The following AHCYL2 variants were observed in gnomAD, a reference collection of about 807,000 sequenced individuals.
AHCYL2 encodes the protein S-adenosylhomocysteine hydrolase-like protein 2.
A neutral mutation model predicts 81.4 loss-of-function variants in AHCYL2; 28 were observed. That is an observed-to-expected ratio of 0.34 (90% confidence interval 0.25 to 0.47). The LOEUF is 0.47. Among genes scored for constraint, AHCYL2 ranks in the 20% least tolerant of loss-of-function variants. The pLI is 1.00. For missense variants in AHCYL2, 551 were observed against 785.1 expected (o/e 0.70, Z 3.56); for synonymous variants, 272 against 290.2 (o/e 0.94, Z 0.64).
chr7:129,333,145 A>G (rs1451440528), intron 1 of AHCYL2, among the ~76,000 whole-genome samples: 4 of 151,892 alleles, frequency 2.6e-5, no homozygotes, highest in African/African-American at 9.7e-5. Context: ...TTTTGTTTCA[A>G]AGAGTTACGC....
At chr7:129,372,617 G>T (rs1794463934) in intron 1 of AHCYL2, among the ~76,000 whole-genome samples, 1 of 152,048 alleles carries the variant, frequency 6.6e-6, no homozygotes, top group Non-Finnish European at 1.5e-5. Flanking sequence ...AGACCAGCCT[G>T]CCCAACATGG....
rs79604034 is a variant in AHCYL2, at chr7:129,311,628, C to G, written c.364-68010C>G. On this transcript the variant is annotated intron_variant, in intron 1 of 16. Transcript: ENST00000325006. ...AAGTCCTATTGTCATTGTTGACTAC[C>G]CTCTCTAATACTAATCTGTCAGCAA... is the stretch of plus-strand genomic sequence containing the variant. Among the ~76,000 whole-genome samples the G allele has an allele frequency of 7.1e-4, 108 of 151,772 alleles. 1 individual carries two copies. In the East Asian group the frequency reaches 0.018, roughly 26 times the overall value.
chr7:129,394,056 G>A (rs1795594818), intron 4 of AHCYL2, among the ~76,000 whole-genome samples: 1 of 152,168 alleles, frequency 6.6e-6, no homozygotes, highest in Non-Finnish European at 1.5e-5. Flanking sequence ...CCAGGCTGGA[G>A]TGCAGTGGTA....
intron 1 of AHCYL2, among the ~76,000 whole-genome samples, chr7:129,323,807 C>T (rs1241061673): frequency 6.6e-6 from 1 of 150,822 alleles, no homozygotes; most frequent in African/African-American, 2.4e-5. Flanking sequence ...AAATGATATC[C>T]TTTAGTCCTG....
intron 1 of AHCYL2, among the ~76,000 whole-genome samples, chr7:129,347,348 C>G (rs1420870050): frequency 1.3e-5 from 2 of 152,176 alleles, no homozygotes; most frequent in Non-Finnish European, 2.9e-5. Flanking sequence ...CACTCTGGTG[C>G]AGGTTGTTGA....
intron 15 of AHCYL2, among the ~76,000 whole-genome samples, chr7:129,425,999 C>T (rs1400466693): frequency 6.6e-6 from 1 of 152,176 alleles, no homozygotes; most frequent in East Asian, 1.9e-4. Context: ...GCAAAGCAAA[C>T]AGTTCATTTA....
At chr7:129,420,989 G>A (rs1200478837) in intron 12 of AHCYL2, among the ~76,000 whole-genome samples, 2 of 152,134 alleles carry the variant, frequency 1.3e-5, no homozygotes, top group Non-Finnish European at 2.9e-5. Context: ...GGTGGCTCAC[G>A]CCTGTAATCC....
intron 11 of AHCYL2, 129 bp from the exon 12 acceptor site, chr7:129,413,462 GTCT>G (rs1202175103): frequency 3.9e-6 from 3 of 768,154 alleles, no homozygotes; most frequent in African/African-American, 3.5e-5. Context: ...TTTTTAAGTT[GTCT>G]TCTTCTTATT....
chr7:129,420,645 A>C (rs1234895101), intron 12 of AHCYL2, among the ~76,000 whole-genome samples: 1 of 151,452 alleles, frequency 6.6e-6, no homozygotes, highest in African/African-American at 2.4e-5. Context: ...ATGCCCAGCT[A>C]ATTCTGTTCT....
intron 1 of AHCYL2, among the ~76,000 whole-genome samples, chr7:129,299,629 G>A (rs1450049465): frequency 6.6e-6 from 1 of 151,758 alleles, no homozygotes; most frequent in Non-Finnish European, 1.5e-5. Flanking sequence ...TCCTTACCTC[G>A]TGATCCACCC....
intron 12 of AHCYL2, among the ~76,000 whole-genome samples, chr7:129,418,463 C>G (rs1457984056): frequency 6.6e-6 from 1 of 152,082 alleles, no homozygotes; most frequent in Non-Finnish European, 1.5e-5. Context: ...CCACGCCTGG[C>G]AGATTTTTTG....
intron 1 of AHCYL2, among the ~76,000 whole-genome samples, chr7:129,359,976 G>C (rs1793874699): frequency 6.6e-6 from 1 of 152,142 alleles, no homozygotes; most frequent in Non-Finnish European, 1.5e-5. Flanking sequence ...TTGTTATAGT[G>C]ATGTTTCTAT....
At chr7:129,253,989 G>A (rs879570885) in intron 1 of AHCYL2, among the ~76,000 whole-genome samples, 1 of 152,136 alleles carries the variant, frequency 6.6e-6, no homozygotes, top group Non-Finnish European at 1.5e-5. Context: ...TTCTTGTTCT[G>A]TAGTACTTTA....
At chr7:129,261,645 T>C (rs1014363339) in intron 1 of AHCYL2, among the ~76,000 whole-genome samples, 1 of 152,204 alleles carries the variant, frequency 6.6e-6, no homozygotes, top group African/African-American at 2.4e-5. Context: ...TAGGCTAACA[T>C]AGGAAATCTT....
intron 1 of AHCYL2, among the ~76,000 whole-genome samples, chr7:129,362,540 T>G (rs549728734): frequency 4.6e-5 from 7 of 152,050 alleles, no homozygotes; most frequent in Middle Eastern, 3.4e-3. Flanking sequence ...GTTAGGAACT[T>G]TAGCCTCCAT....
chr7:129,244,442 G>A (rs1794977093), intron 1 of AHCYL2, among the ~76,000 whole-genome samples: 1 of 152,080 alleles, frequency 6.6e-6, no homozygotes. Context: ...CCATAGATAG[G>A]GAGGCTTATA....
intron 1 of AHCYL2, among the ~76,000 whole-genome samples, chr7:129,305,960 CA>C (rs1350320834): frequency 6.6e-6 from 1 of 152,210 alleles, no homozygotes; most frequent in Non-Finnish European, 1.5e-5. Context: ...GGTCTGCTGG[CA>C]GATGTATTTG....
At chr7:129,300,553 AC>A (rs1443345003) in intron 1 of AHCYL2, among the ~76,000 whole-genome samples, 12 of 152,194 alleles carry the variant, frequency 7.9e-5, no homozygotes, top group Admixed American at 7.9e-4. Context: ...CTGTTGATGG[AC>A]ACTTAGGTTG....
At chr7:129,382,338 G>A (rs1194860727) in intron 2 of AHCYL2, among the ~76,000 whole-genome samples, 2 of 152,192 alleles carry the variant, frequency 1.3e-5, no homozygotes, top group African/African-American at 2.4e-5. Flanking sequence ...AGTGGCTCAT[G>A]CCTGTAATTC....
Sources: gnomAD v4.1 joint callset for allele counts (sites outside exome capture counted in the v4.1 genomes callset) on GRCh38, gnomAD v4.1.1 for gene constraint, MANE v1.5 for transcripts, NCBI Gene and HGNC (gene_info 2026-07-23, HGNC 2026-07-21) for gene names.